FBXL2: variants seen among roughly 807,000 people sequenced by gnomAD.
FBXL2 encodes the protein F-box and leucine rich repeat protein 2, also known as F-box/LRR-repeat protein 2.
In FBXL2, 38 loss-of-function variants were observed where a neutral mutation model predicts 69.2. That is an observed-to-expected ratio of 0.55 (90% CI 0.42 to 0.72). The LOEUF (loss-of-function observed/expected upper bound fraction) is 0.72. Among genes scored for constraint, FBXL2 ranks in the 30% least tolerant of loss-of-function variants. The pLI is 0.00. For synonymous variants in FBXL2, 192 were observed against 201.3 expected (o/e 0.95, Z 0.39); for missense variants, 354 against 520.3 (o/e 0.68, Z 3.11).
chr3:33,314,693 C>T (rs1186227831), intron 2 of FBXL2, among the ~76,000 whole-genome samples: 1 of 152,082 alleles, frequency 6.6e-6, no homozygotes, highest in African/African-American at 2.4e-5. Context: ...TGCAAATATT[C>T]CCCTTGTTAA....
At chr3:33,328,508 C>T (rs557225419) in intron 2 of FBXL2, among the ~76,000 whole-genome samples, 22 of 152,082 alleles carry the variant, frequency 1.4e-4, no homozygotes, top group East Asian at 3.9e-4. Flanking sequence ...ACACATAGAG[C>T]GGTGGAACAG....
At chr3:33,355,117 A>G (rs2177285) in intron 2 of FBXL2, among the ~76,000 whole-genome samples, 11,880 of 152,074 alleles carry the variant, frequency 0.078, 538 homozygotes, top group South Asian at 0.11. Context: ...TTTTGTAGCA[A>G]TGGGGTTTCA....
chr3:33,411,239 A>G, the FBXL2 span, among the ~76,000 whole-genome samples: 1 of 152,232 alleles, frequency 6.6e-6, no homozygotes, highest in Non-Finnish European at 1.5e-5. Flanking sequence ...TAATGCTAGA[A>G]GGAATTTTAA....
chr3:33,339,825 A>C (rs546184155), intron 2 of FBXL2, among the ~76,000 whole-genome samples: 2 of 152,364 alleles, frequency 1.3e-5, no homozygotes, highest in East Asian at 3.8e-4. Context: ...AAAGATGTGC[A>C]CAAGGATATT....
At chr3:33,314,700 T>C (rs1465888767) in intron 2 of FBXL2, among the ~76,000 whole-genome samples, 3 of 152,228 alleles carry the variant, frequency 2.0e-5, no homozygotes, top group Non-Finnish European at 4.4e-5. Flanking sequence ...ATTCCCCTTG[T>C]TAATACATTT....
At position 33,373,327 on chromosome 3, in the gene FBXL2, A is replaced by G. The variant is rs199543018; in HGVS notation, c.427A>G (p.Ile143Val). 41 of 1,613,350 alleles carry G rather than the reference A, an allele frequency of 2.5e-5. No homozygotes were observed. The Middle Eastern group carries it at 4.9e-4, about 19-fold the overall frequency. Residue 143 changes from isoleucine (I) to valine (V), a missense_variant, in exon 7 of 15, where the codon ATT becomes GTT. Transcript: ENST00000484457. The part of the protein sequence containing the change: ...KHLDLTSCVS[I>V]TNSSLKGISE... ...TCTGGATCTGACCTCCTGTGTGTCTATTACAAACAGCTCCTTGAAGGGGAT... is the reference window on the plus strand; with the variant it reads ...TCTGGATCTGACCTCCTGTGTGTCTGTTACAAACAGCTCCTTGAAGGGGAT...
chr3:33,308,938 T>G (rs943979475), intron 2 of FBXL2, among the ~76,000 whole-genome samples: 1 of 152,222 alleles, frequency 6.6e-6, no homozygotes, highest in Admixed American at 6.5e-5. Flanking sequence ...TTAGAAAACG[T>G]ATTTGATGTG....
intron 5 of FBXL2, among the ~76,000 whole-genome samples, chr3:33,371,856 G>A (rs2042325165): frequency 1.3e-5 from 2 of 152,280 alleles, no homozygotes; most frequent in African/African-American, 2.4e-5. Context: ...CCAAAGCAGT[G>A]TTTAGGGCTA....
rs969501262 is a variant in FBXL2 at position 33,299,446 on chromosome 3, CA to C, written c.65+1722del. Among the ~76,000 whole-genome samples, 8 of 152,310 alleles carry C rather than the reference CA, an allele frequency of 5.3e-5. No individual in the cohort carries two copies. The South Asian group carries it at 1.4e-3, about 28-fold the overall frequency. On this transcript the variant is annotated intron_variant, in intron 2 of 14. Coordinates refer to ENST00000484457, the MANE Select transcript of FBXL2 (RefSeq NM_012157.5). Reference sequence around the variant, plus strand: ...CTGGCTGTACTAAATCTCACTTTAACATTTGGGGAATGACTATGAGTTTTGT... The same window carrying C: ...CTGGCTGTACTAAATCTCACTTTAACTTTGGGGAATGACTATGAGTTTTGT...
chr3:33,321,179 A>G (rs1238662817), intron 2 of FBXL2, among the ~76,000 whole-genome samples: 1 of 151,860 alleles, frequency 6.6e-6, no homozygotes, highest in Non-Finnish European at 1.5e-5. Context: ...GCATGGTGGC[A>G]CATACCTGTA....
At chr3:33,381,019 C>T (rs988332479) in intron 13 of FBXL2, among the ~76,000 whole-genome samples, 1 of 152,176 alleles carries the variant, frequency 6.6e-6, no homozygotes, top group African/African-American at 2.4e-5. Flanking sequence ...CTATTGACTA[C>T]GTTGTTAGTG....
rs192439321 is a variant in FBXL2, at chr3:33,398,953, A to C, written n.1215-4281A>C. Reference sequence around the variant, plus strand: ...AAATGTAGTCCCCAGCTAGCAAATGACCTCCATAGGGAACTTTAAAGAGAC... The same window carrying C: ...AAATGTAGTCCCCAGCTAGCAAATGCCCTCCATAGGGAACTTTAAAGAGAC... On this transcript the variant is annotated intron_variant and non_coding_transcript_variant, in intron 12 of 12. Coordinates refer to the FBXL2 transcript ENST00000463736. 3.3e-5 allele frequency among the ~76,000 whole-genome samples: 5 copies of C among 152,354 alleles called. No homozygotes were observed. The East Asian group carries it at 9.6e-4, about 29-fold the overall frequency.
At chr3:33,288,186 C>G (rs1366577444) in intron 1 of FBXL2, among the ~76,000 whole-genome samples, 1 of 152,212 alleles carries the variant, frequency 6.6e-6, no homozygotes, top group Non-Finnish European at 1.5e-5. Context: ...GAGTCAGAAT[C>G]AAGGTTCAAA....
chr3:33,380,823 G>A (rs1361351945), intron 13 of FBXL2, among the ~76,000 whole-genome samples: 1 of 152,134 alleles, frequency 6.6e-6, no homozygotes, highest in Non-Finnish European at 1.5e-5. Flanking sequence ...TAAGCTGCTC[G>A]CTTCCAGAAT....
intron 13 of FBXL2, 113 bp downstream of exon 13, chr3:33,378,854 C>CA (rs1241227335): frequency 6.4e-7 from 1 of 1,573,208 alleles, no homozygotes; most frequent in African/African-American, 1.4e-5. Context: ...CTCTTGATTT[C>CA]AAAAATCTAT....
At chr3:33,294,414 TAATC>T (rs1011542510) in intron 1 of FBXL2, among the ~76,000 whole-genome samples, 2 of 152,086 alleles carry the variant, frequency 1.3e-5, no homozygotes, top group Non-Finnish European at 2.9e-5. Context: ...AACACATTAT[TAATC>T]AATAGGTGAA....
At chr3:33,362,486 T>C (rs2041693176) in intron 4 of FBXL2, among the ~76,000 whole-genome samples, 1 of 150,600 alleles carries the variant, frequency 6.6e-6, no homozygotes, top group African/African-American at 2.4e-5. Context: ...GATTTGCATT[T>C]TCCCCCTCTT....
chr3:33,388,531 T>G (rs976062502), downstream of FBXL2: 1 of 152,612 alleles, frequency 6.6e-6, no homozygotes, highest in African/African-American at 2.4e-5. Context: ...TAAAACCTGA[T>G]GAGGAATTCA....
At chr3:33,336,279 A>C (rs2125841137) in intron 2 of FBXL2, among the ~76,000 whole-genome samples, 1 of 152,298 alleles carries the variant, frequency 6.6e-6, no homozygotes, top group South Asian at 2.1e-4. Flanking sequence ...AGATTCCAGA[A>C]ACAGACCCCC....
Sources: allele counts gnomAD v4.1 joint callset (sites outside exome capture counted in the v4.1 genomes callset), GRCh38; gene constraint gnomAD v4.1.1; transcripts MANE v1.5; gene names NCBI Gene and HGNC (gene_info 2026-07-23, HGNC 2026-07-21).